Variants in NAV1 observed in about 807,000 individuals in gnomAD.
NAV1 encodes the protein neuron navigator 1, also known as pore membrane and/or filament interacting like protein 3.
In NAV1, 18 loss-of-function variants were observed where a neutral mutation model predicts 175.2. That is an observed-to-expected ratio of 0.10 (90% confidence interval 0.07 to 0.15). The LOEUF (loss-of-function observed/expected upper bound fraction) is 0.15, where lower values mean the gene tolerates loss of function less well. NAV1 is among the 10% of genes least tolerant of loss of function. The pLI, the probability that NAV1 is intolerant of heterozygous loss-of-function variation, is 1.00. For missense variants in NAV1, 1,731 were observed against 2,436.6 expected (o/e 0.71, Z 6.10); for synonymous variants, 897 against 978.7 (o/e 0.92, Z 1.56).
rs867288885 is a variant in NAV1 at position 201,773,492 on chromosome 1, T to G, written c.1227-6929T>G. Among the ~76,000 whole-genome samples, 6 of 152,306 alleles carry G rather than the reference T, an allele frequency of 3.9e-5. No individual in the cohort carries two copies. The South Asian group carries it at 8.3e-4, about 21-fold the overall frequency. On this transcript the variant is annotated intron_variant, in intron 3 of 29. Transcript: ENST00000367296. ...GAGGAGTAGAACTGATAAGAAGTCT[T>G]TCACAGTGGCTCAAGTGAGAGGACA...
intron 1 of NAV1, among the ~76,000 whole-genome samples, chr1:201,661,331 C>CCG (rs1669606867): frequency 6.6e-6 from 1 of 152,156 alleles, no homozygotes; most frequent in Non-Finnish European, 1.5e-5. Flanking sequence ...TCCTCCCAAG[C>CCG]CTCTCACTGT....
intron 2 of NAV1, among the ~76,000 whole-genome samples, chr1:201,639,230 G>A (rs2102310005): frequency 6.6e-6 from 1 of 152,344 alleles, no homozygotes; most frequent in Non-Finnish European, 1.5e-5. Context: ...AGTGGGGAAG[G>A]GCTTGAGTAC....
chr1:201,803,919 G>T, intron 16 of NAV1: 1 of 629,834 alleles, frequency 1.6e-6, no homozygotes, highest in South Asian at 1.6e-5. Flanking sequence ...CCACCCCTCT[G>T]ACCTTTATAT....
chr1:201,799,197 GA>G (rs1267510657), intron 15 of NAV1, among the ~76,000 whole-genome samples: 2,157 of 115,170 alleles, frequency 0.019, 55 homozygotes, highest in African/African-American at 0.054. Flanking sequence ...TGTGTGTGTG[GA>G]GAGAGAGAGA....
exon 15 of NAV1, chr1:201,794,495 C>G (rs1677312525): frequency 6.2e-7 from 1 of 1,613,728 alleles, no homozygotes; most frequent in Non-Finnish European, 8.5e-7. Flanking sequence ...TGCGAGAAAC[C>G]ATAGACTTTC....
At position 201,678,509 on chromosome 1, in the gene NAV1, G is replaced by C. The variant is rs1048134576; in HGVS notation, c.757+29084G>C. 3.7e-4 allele frequency among the ~76,000 whole-genome samples: 56 copies of C among 152,186 alleles called. 1 individual carries two copies. Among genetic ancestry groups the C allele is most frequent in the Admixed American group, 3.7e-3 (56 of 15,280 alleles). On this transcript the variant is annotated intron_variant, in intron 1 of 29. Coordinates refer to ENST00000367296, the Ensembl canonical transcript of NAV1. Reference sequence around the variant, plus strand: ...GGACTCCGCTGGAAGTCACAGAGTTGATAATTGCCACAGCCAGGATTTGAA... The same window carrying C: ...GGACTCCGCTGGAAGTCACAGAGTTCATAATTGCCACAGCCAGGATTTGAA...
chr1:201,739,806 G>C, intron 3 of NAV1: 1 of 1,229,614 alleles, frequency 8.1e-7, no homozygotes, highest in Non-Finnish European at 1.0e-6. Context: ...GTCAGCGGCG[G>C]GGAAATGGGG....
At position 201,822,628 on chromosome 1, in the gene NAV1, T is replaced by C. The variant is rs1053572662; in HGVS notation, c.*2696T>C. 59 of 152,660 alleles carry C rather than the reference T, an allele frequency of 3.9e-4. 4 individuals are homozygous for C. The highest frequency in any genetic ancestry group is 5.9e-5 in the Non-Finnish European group (4 of 68,060). 9.5% of individuals were successfully genotyped at this position (152,660 alleles called of 1,614,324 possible). ...GGAGGCCTCATGCTATGACTTTTTA[T>C]TTCTCTTCCTGGGATCCACCACCCT... On this transcript the variant is annotated 3_prime_UTR_variant, in exon 30 of 30. Coordinates refer to ENST00000367296, the Ensembl canonical transcript of NAV1.
At chr1:201,747,291 G>C (rs753510098) in intron 3 of NAV1, among the ~76,000 whole-genome samples, 1 of 152,108 alleles carries the variant, frequency 6.6e-6, no homozygotes, top group Non-Finnish European at 1.5e-5. Flanking sequence ...TTATTTTTCC[G>C]GCTTGGAACA....
rs1416873484 is a variant in NAV1 at position 201,699,367 on chromosome 1, G to A, written c.758-13450G>A. ...TGCTTCAAAGAGAATAAAATACCTA[G>A]GAATCCAACTTACAAGGGATGTGAA... is the stretch of plus-strand genomic sequence containing the variant. On this transcript the variant is annotated intron_variant, in intron 1 of 29. Transcript: ENST00000367296. Among the ~76,000 whole-genome samples, 6 of 152,036 alleles carry A rather than the reference G, an allele frequency of 3.9e-5. No homozygotes were observed. In the East Asian group the frequency reaches 1.2e-3, roughly 29 times the overall value.
intron 1 of NAV1, among the ~76,000 whole-genome samples, chr1:201,570,752 C>T (rs1249372768): frequency 6.6e-6 from 1 of 152,208 alleles, no homozygotes. Context: ...GAGTCTTCCT[C>T]ACTTGGGATC....
intron 3 of NAV1, among the ~76,000 whole-genome samples, chr1:201,777,157 C>A (rs1415688566): frequency 6.6e-6 from 1 of 152,154 alleles, no homozygotes; most frequent in Non-Finnish European, 1.5e-5. Context: ...TTTCAGAAAC[C>A]TACTGGAAGA....
chr1:201,551,331 C>T (rs1050431047), intron 1 of NAV1, among the ~76,000 whole-genome samples: 6 of 152,134 alleles, frequency 3.9e-5, no homozygotes, highest in African/African-American at 7.2e-5. Flanking sequence ...CAGGCTCAAG[C>T]GATCTTCCCA....
intron 1 of NAV1, among the ~76,000 whole-genome samples, chr1:201,560,744 T>A (rs1345206277): frequency 6.6e-6 from 1 of 152,246 alleles, no homozygotes; most frequent in East Asian, 1.9e-4. Context: ...GCAGCATTTT[T>A]ATCTCCTGTC....
chr1:201,681,843 T>G (rs12127487), intron 1 of NAV1, among the ~76,000 whole-genome samples: 67,954 of 151,226 alleles, frequency 0.45, 15,687 homozygotes, highest in South Asian at 0.72. Flanking sequence ...GGCCGAGTGC[T>G]GTGGCTCACG....
intron 1 of NAV1, among the ~76,000 whole-genome samples, chr1:201,676,337 C>T (rs1460784041): frequency 1.3e-5 from 2 of 152,208 alleles, no homozygotes; most frequent in Non-Finnish European, 2.9e-5. Flanking sequence ...AGGCTGGGCT[C>T]AGGTTTCAGG....
At chr1:201,612,803 G>A (rs1460695050) in intron 2 of NAV1, among the ~76,000 whole-genome samples, 5 of 152,174 alleles carry the variant, frequency 3.3e-5, no homozygotes, top group African/African-American at 7.2e-5. Context: ...GTGTCTTGAT[G>A]TGTGAGTGTG....
intron 1 of NAV1, among the ~76,000 whole-genome samples, chr1:201,649,958 T>G (rs1669125039): frequency 6.7e-6 from 1 of 149,962 alleles, no homozygotes; most frequent in African/African-American, 2.5e-5. Flanking sequence ...TTCCCCGCGG[T>G]GTGAGGATTC....
chr1:201,825,035 C>CT (rs1679595157), exon 30 of NAV1: 1 of 152,182 alleles, frequency 6.6e-6, no homozygotes, highest in Admixed American at 6.6e-5. Context: ...GTCATTCAGA[C>CT]TTTAACATTA....
Sources: gnomAD v4.1 joint callset for allele counts (sites outside exome capture counted in the v4.1 genomes callset) on GRCh38, gnomAD v4.1.1 for gene constraint, MANE v1.5 for transcripts, NCBI Gene and HGNC (gene_info 2026-07-23, HGNC 2026-07-21) for gene names.